SIDT1: variants seen among roughly 807,000 people sequenced by gnomAD.
The protein encoded by SIDT1 is SID1 transmembrane family, member 1.
Under a neutral mutation model 107.5 loss-of-function variants are expected in SIDT1, and 101 were observed. The observed-to-expected ratio is 0.94, with a 90% CI of 0.80 to 1.11. The LOEUF (loss-of-function observed/expected upper bound fraction) is 1.11. Ranked by LOEUF, SIDT1 falls within the 50% of genes least tolerant of loss-of-function variation. SIDT1 has a pLI of 0.00. For synonymous variants in SIDT1, 395 were observed against 398.2 expected, an observed-to-expected ratio of 0.99 and a Z score of 0.10; for missense variants, 1,076 against 1,058.2, an observed-to-expected ratio of 1.02 and a Z score of -0.23.
intron 10 of SIDT1, among the ~76,000 whole-genome samples, chr3:113,601,009 AGCCTT>A (rs1262116456): frequency 6.6e-6 from 1 of 152,234 alleles, no homozygotes; most frequent in Admixed American, 6.5e-5. Context: ...GTTAGCCAGA[AGCCTT>A]GCTGTCCAGC....
At chr3:113,564,934 T>G (rs1414013015) in intron 1 of SIDT1, among the ~76,000 whole-genome samples, 1 of 152,208 alleles carries the variant, frequency 6.6e-6, no homozygotes, top group Non-Finnish European at 1.5e-5. Flanking sequence ...TATTTTAACA[T>G]TTAAAAAGCA....
At chr3:113,606,483 G>A (rs1576935248) in intron 14 of SIDT1, 1 of 152,282 alleles carries the variant, frequency 6.6e-6, no homozygotes, top group Non-Finnish European at 1.5e-5. Context: ...ACTTCATGAG[G>A]TTTGAGCACC....
At chr3:113,533,391 C>A (rs1576669058) in intron 1 of SIDT1, 148 bp downstream of exon 1, 2 of 599,910 alleles carry the variant, frequency 3.3e-6, no homozygotes, top group African/African-American at 2.0e-5. Context: ...GCAATCGCTG[C>A]CCTGCCCTAG....
At chr3:113,604,821 T>C (rs145211222) in intron 13 of SIDT1, 89 bp from the exon 14 acceptor site, 46 of 1,454,398 alleles carry the variant, frequency 3.2e-5, no homozygotes, top group African/African-American at 3.1e-4. Flanking sequence ...TATGGACTTA[T>C]GGGGTGGAAG....
In SIDT1 at chr3:113,623,641, G is replaced by T; in HGVS notation, c.2215G>T (p.Val739Phe). Reference protein sequence around the residue: ...IIMKLRSSEKVLPVPLFCIVA... With the variant: ...IIMKLRSSEKFLPVPLFCIVA... The stretch of plus-strand genomic sequence containing the variant: ...CCCACAGCTCCGCAGCTCTGAAAAG[G>T]TCCTCCCAGTCCCGCTCTTCTGCAT... Residue 739 changes from valine to phenylalanine, a missense_variant, in exon 23 of 25, where the codon GTC (valine) becomes TTC (phenylalanine). Val to Phe is a conservative substitution (Grantham distance 50, BLOSUM62 -1). Transcript: ENST00000264852. The T allele has an allele frequency of 6.2e-7, 1 of 1,613,896 alleles. No individual in the cohort carries two copies. Among genetic ancestry groups the T allele is most frequent in the Non-Finnish European group, 8.5e-7 (1 of 1,179,840 alleles).
chr3:113,623,240 T>C lies in SIDT1; in HGVS notation c.2091-187T>C, dbSNP rs535189925. Among the ~76,000 whole-genome samples, 5 of 142,010 alleles carry C rather than the reference T, an allele frequency of 3.5e-5. No homozygotes were observed. In the East Asian group the frequency reaches 6.1e-4, roughly 17 times the overall value. The allele number at this position is 142,010 out of a possible 152,430, so 93.2% of individuals were successfully genotyped here. A position where few individuals can be genotyped will look rare whatever the true frequency, so the allele number is the denominator to read the frequency against. On this transcript the variant is annotated intron_variant, in intron 21 of 24. Transcript: ENST00000264852. ...AAAAAAAGATACTTATATGTTAAAG[T>C]ATTTTTTTAAAAATCTACTGTTCCA...
chr3:113,592,189 G>A (rs1053217147), intron 9 of SIDT1, among the ~76,000 whole-genome samples: 4 of 152,206 alleles, frequency 2.6e-5, no homozygotes, highest in Non-Finnish European at 5.9e-5. Flanking sequence ...TTCTGGGGAT[G>A]ATGAAAATAT....
At chr3:113,600,527 G>A (rs996653137) in intron 10 of SIDT1, among the ~76,000 whole-genome samples, 1 of 152,152 alleles carries the variant, frequency 6.6e-6, no homozygotes, top group African/African-American at 2.4e-5. Flanking sequence ...TTAAAAGACT[G>A]TCCTACACAG....
intron 8 of SIDT1, 113 bp downstream of exon 8, chr3:113,584,882 A>T: frequency 1.3e-6 from 1 of 798,862 alleles, no homozygotes; most frequent in Admixed American, 2.7e-5. Context: ...AAACTAAAGT[A>T]TATTTACCTT....
rs1397749975 is a variant in SIDT1, at chr3:113,603,571, A to AT, written c.1264-389_1264-388insT. ...TCTGTCATATCCAGCAAAAGATATG[A>AT]AGGGGAAACGTACAGTTTCAGCCCT... On this transcript the variant is annotated intron_variant, in intron 12 of 24. Transcript: ENST00000264852. Among the ~76,000 whole-genome samples, 8 of 152,198 alleles carry AT rather than the reference A, an allele frequency of 5.3e-5. 1 individual carries two copies. The highest frequency in any genetic ancestry group is 5.2e-4 in the Admixed American group (8 of 15,278).
chr3:113,563,419 A>G (rs959055501), intron 1 of SIDT1, among the ~76,000 whole-genome samples: 4 of 152,252 alleles, frequency 2.6e-5, no homozygotes, highest in Non-Finnish European at 5.9e-5. Flanking sequence ...AGGAATGGTG[A>G]AAACTTCCTT....
In SIDT1 at chr3:113,605,701, T is replaced by C. The variant is rs189919157; in HGVS notation, c.1404+725T>C. On this transcript the variant is annotated intron_variant, in intron 14 of 24. Transcript: ENST00000264852. ...TCCCATTGAAGGTAAATTTTTTTTG[T>C]AAAATTAAAAACAGCTTTGTGGCTG... 3.3e-5 allele frequency among the ~76,000 whole-genome samples: 5 copies of C among 152,206 alleles called. No homozygotes were observed. The East Asian group carries it at 7.8e-4, about 24-fold the overall frequency.
intron 1 of SIDT1, among the ~76,000 whole-genome samples, chr3:113,564,143 T>C (rs923193748): frequency 2.0e-5 from 3 of 152,160 alleles, no homozygotes; most frequent in Middle Eastern, 3.2e-3. Flanking sequence ...AGACTGGGTA[T>C]CTCCATGTTG....
At chr3:113,615,774 A>G (rs184820144) in intron 19 of SIDT1, among the ~76,000 whole-genome samples, 1 of 152,336 alleles carries the variant, frequency 6.6e-6, no homozygotes, top group East Asian at 1.9e-4. Flanking sequence ...AGAAAACACC[A>G]CTAGAGTAAA....
intron 19 of SIDT1, chr3:113,612,413 A>G (rs1237749311): frequency 1.7e-6 from 1 of 605,132 alleles, no homozygotes; most frequent in South Asian, 1.5e-5. Context: ...CAGCTGAGAA[A>G]CTAAGGTTTG....
At chr3:113,582,093 G>C (rs987332741) in intron 6 of SIDT1, among the ~76,000 whole-genome samples, 3 of 152,134 alleles carry the variant, frequency 2.0e-5, no homozygotes, top group Non-Finnish European at 4.4e-5. Context: ...ATCTATACCA[G>C]TAACAGTAAG....
At chr3:113,540,453 G>A (rs1938686818) in intron 1 of SIDT1, among the ~76,000 whole-genome samples, 1 of 152,102 alleles carries the variant, frequency 6.6e-6, no homozygotes, top group South Asian at 2.1e-4. Flanking sequence ...AAGATGACTG[G>A]AAACAATTTA....
intron 8 of SIDT1, 150 bp from the exon 9 acceptor site, chr3:113,585,027 G>C (rs1313738543): frequency 1.5e-6 from 1 of 652,154 alleles, no homozygotes; most frequent in Non-Finnish European, 2.7e-6. Flanking sequence ...TAATGTCTGG[G>C]GACCTCCAGT....
At chr3:113,625,746 T>G (rs1946808042) in intron 23 of SIDT1, among the ~76,000 whole-genome samples, 1 of 152,232 alleles carries the variant, frequency 6.6e-6, no homozygotes, top group Non-Finnish European at 1.5e-5. Flanking sequence ...AATTGGATTT[T>G]TTTTCCCTTA....
Sources: gnomAD v4.1 joint callset for allele counts (sites outside exome capture counted in the v4.1 genomes callset) on GRCh38, gnomAD v4.1.1 for gene constraint, MANE v1.5 for transcripts, NCBI Gene and HGNC (gene_info 2026-07-23, HGNC 2026-07-21) for gene names.